Variants in TOX2 observed in about 807,000 individuals in gnomAD.
TOX2 encodes granulosa cell HMG box 1.
TOX2 carries 15 observed loss-of-function variants against 47.4 expected under a neutral mutation model. The observed-to-expected ratio is 0.32, with a 90% CI of 0.21 to 0.49. The LOEUF is 0.49. Among genes scored for constraint, TOX2 ranks in the 20% least tolerant of loss-of-function variants. The probability of loss-of-function intolerance (pLI) is 0.99; values close to 1 mark genes in which losing one functional copy is unlikely to be tolerated. For synonymous variants in TOX2, 290 were observed against 296.6 expected, an observed-to-expected ratio of 0.98 and a Z score of 0.23; for missense variants, 622 against 673.1, an observed-to-expected ratio of 0.92 and a Z score of 0.84.
chr20:44,068,303 C>T (rs552562287), intron 8 of TOX2, among the ~76,000 whole-genome samples: 1 of 152,274 alleles, frequency 6.6e-6, no homozygotes, highest in Admixed American at 6.5e-5. Flanking sequence ...TAAAAAGCAC[C>T]TGTCCTCCCT....
At chr20:44,053,439 T>TATATACACACAC (rs373458500) in intron 4 of TOX2, among the ~76,000 whole-genome samples, 7 of 143,108 alleles carry the variant, frequency 4.9e-5, no homozygotes, top group Non-Finnish European at 1.1e-4. Context: ...GGCAGATATA[T>TATATACACACAC]ACACACACAC....
chr20:43,950,623 C>T (rs1296276186), intron 1 of TOX2, among the ~76,000 whole-genome samples: 1 of 152,016 alleles, frequency 6.6e-6, no homozygotes, highest in East Asian at 1.9e-4. Context: ...CTACTTGGCT[C>T]ACTCCCTCAC....
intron 2 of TOX2, among the ~76,000 whole-genome samples, chr20:43,996,743 G>T (rs1480959372): frequency 1.3e-5 from 2 of 151,832 alleles, no homozygotes; most frequent in East Asian, 3.9e-4. Flanking sequence ...TCTTAGGTGG[G>T]GTTTTGTAGA....
intron 1 of TOX2, among the ~76,000 whole-genome samples, chr20:43,957,563 C>G (rs2145415211): frequency 7.0e-6 from 1 of 142,726 alleles, no homozygotes; most frequent in East Asian, 2.1e-4. Context: ...AAAGTAAATG[C>G]CCTCTTTTTT....
At chr20:43,958,269 G>A (rs1404466065) in intron 1 of TOX2, among the ~76,000 whole-genome samples, 1 of 152,130 alleles carries the variant, frequency 6.6e-6, no homozygotes, top group South Asian at 2.1e-4. Context: ...GCCAGATTGG[G>A]CATCCTTCCA....
chr20:43,970,904 G>A (rs2069952874), intron 1 of TOX2, among the ~76,000 whole-genome samples: 1 of 152,258 alleles, frequency 6.6e-6, no homozygotes, highest in African/African-American at 2.4e-5. Flanking sequence ...GGAGGAGGTA[G>A]CCTCTGAGCA....
Position 44,068,716 on chromosome 20 carries a change from C to A in TOX2, c.*30C>A, listed in dbSNP as rs1291577658. The A allele has an allele frequency of 1.2e-6, 2 of 1,613,810 alleles. No homozygotes were observed. The highest frequency in any genetic ancestry group is 1.6e-4 in the Middle Eastern group (1 of 6,062). On this transcript the variant is annotated 3_prime_UTR_variant, in exon 9 of 9. Transcript: ENST00000341197. ...GCCTCCCTACCATCCCTGAGGCTCGCTGGAAGGCACTGCTCAGAGCCTGAA... is the reference window on the plus strand; with the variant it reads ...GCCTCCCTACCATCCCTGAGGCTCGATGGAAGGCACTGCTCAGAGCCTGAA...
chr20:44,024,455 T>G (rs1382929488), intron 3 of TOX2, among the ~76,000 whole-genome samples: 2 of 152,204 alleles, frequency 1.3e-5, no homozygotes, highest in African/African-American at 4.8e-5. Flanking sequence ...ATTTTTTATT[T>G]TGAATTCTTT....
chr20:43,961,599 C>G (rs2069758393), intron 1 of TOX2, among the ~76,000 whole-genome samples: 1 of 151,992 alleles, frequency 6.6e-6, no homozygotes, highest in South Asian at 2.1e-4. Context: ...GAAGAGGAGG[C>G]CTCCAGCTGC....
intron 2 of TOX2, among the ~76,000 whole-genome samples, chr20:43,996,513 G>C (rs1429874985): frequency 6.6e-6 from 1 of 152,186 alleles, no homozygotes; most frequent in Non-Finnish European, 1.5e-5. Context: ...AGGGCTTCTT[G>C]TCCTCATTTT....
chr20:43,975,688 C>G (rs1247833947), intron 2 of TOX2, among the ~76,000 whole-genome samples: 3 of 152,082 alleles, frequency 2.0e-5, no homozygotes, highest in African/African-American at 7.2e-5. Context: ...GGCACCAGGT[C>G]TTTTTAATTC....
At chr20:43,932,238 T>C (rs918593809) in intron 1 of TOX2, among the ~76,000 whole-genome samples, 3 of 152,236 alleles carry the variant, frequency 2.0e-5, no homozygotes, top group African/African-American at 7.2e-5. Flanking sequence ...CATTTTATCC[T>C]GCCCTCCTGG....
At position 43,916,008 on chromosome 20, in the gene TOX2, C is replaced by T. The variant is rs1600642622; in HGVS notation, c.99+1018C>T. On this transcript the variant is annotated intron_variant, in intron 1 of 8. Coordinates refer to ENST00000341197, the MANE Select transcript of TOX2 (RefSeq NM_001098797.2). The surrounding 1 kb of genome is among the most constrained non-coding windows in gnomAD (Gnocchi z 5.0). Reference sequence around the variant, plus strand: ...ATGGGTTGGGTGCCTCTAAGCAGTCCGCGTCCCCTTCGGTCGCCGGAGAGG... The same window carrying T: ...ATGGGTTGGGTGCCTCTAAGCAGTCTGCGTCCCCTTCGGTCGCCGGAGAGG... The T allele has an allele frequency of 1.6e-6, 1 of 616,012 alleles. No homozygotes were observed. Among genetic ancestry groups the T allele is most frequent in the Non-Finnish European group, 2.0e-6 (1 of 492,432 alleles). 38.2% of individuals were successfully genotyped at this position (616,012 alleles called of 1,614,324 possible).
intron 2 of TOX2, among the ~76,000 whole-genome samples, chr20:43,993,940 G>T (rs573567333): frequency 2.6e-4 from 39 of 152,064 alleles, no homozygotes; most frequent in Non-Finnish European, 5.0e-4. Flanking sequence ...ATTGCTTGAG[G>T]CCAGGAGTTT....
chr20:43,957,711 T>C (rs1163552596), intron 1 of TOX2, among the ~76,000 whole-genome samples: 3 of 152,020 alleles, frequency 2.0e-5, no homozygotes, highest in African/African-American at 7.3e-5. Flanking sequence ...TATAAAGACA[T>C]ACCTGAGACT....
chr20:43,951,707 G>GTTGTTTTTTTTTTTTTTTTTTTTTTTTT (rs2069571130), intron 1 of TOX2, among the ~76,000 whole-genome samples: 1 of 55,098 alleles, frequency 1.8e-5, no homozygotes, highest in Non-Finnish European at 3.9e-5. Flanking sequence ...AACTTATTAT[G>GTTGTTTTTTTTTTTTTTTTTTTTTTTTT]TTTTTTTTTT....
intron 3 of TOX2, among the ~76,000 whole-genome samples, chr20:44,043,973 C>A (rs963781444): frequency 6.6e-6 from 1 of 152,216 alleles, no homozygotes; most frequent in African/African-American, 2.4e-5. Flanking sequence ...AAGACACATG[C>A]ACATGTATGT....
Position 43,914,998 on chromosome 20 carries a change from G to A in TOX2, c.99+8G>A. On this transcript the variant is annotated splice_region_variant and intron_variant, in intron 1 of 8. Transcript: ENST00000341197. The surrounding 1 kb of genome is among the most constrained non-coding windows in gnomAD (Gnocchi z 4.5). ...TATTACCACGGCGGCAAGGTAGGCG[G>A]GGGCGGGCGGGGGTCCCCGGCGGGC... The A allele has an allele frequency of 3.2e-6, 4 of 1,237,946 alleles. 1 individual carries two copies. In the South Asian group the frequency reaches 1.1e-4, roughly 34 times the overall value. The allele number at this position is 1,237,946 out of a possible 1,614,324, so 76.7% of individuals were successfully genotyped here.
At chr20:43,972,414 G>A (rs2069990352) in intron 1 of TOX2, among the ~76,000 whole-genome samples, 1 of 152,166 alleles carries the variant, frequency 6.6e-6, no homozygotes, top group South Asian at 2.1e-4. Flanking sequence ...ACACTTACAG[G>A]TTATTCCCAA....
Sources: allele counts gnomAD v4.1 joint callset (sites outside exome capture counted in the v4.1 genomes callset), GRCh38; gene constraint gnomAD v4.1.1; non-coding constraint Gnocchi (gnomAD v3.1); transcripts MANE v1.5; gene names NCBI Gene and HGNC (gene_info 2026-07-23, HGNC 2026-07-21).